The following RAD51B variants were observed in gnomAD, a reference collection of about 807,000 sequenced individuals.
The protein encoded by RAD51B is DNA repair protein RAD51 homolog 2.
RAD51B carries 38 observed loss-of-function variants against 42.2 expected under a neutral mutation model. The observed-to-expected ratio is 0.90, with a 90% CI of 0.70 to 1.18. RAD51B has a LOEUF of 1.18. Among genes scored for constraint, RAD51B ranks in the 50% most tolerant of loss-of-function variants. The probability of loss-of-function intolerance (pLI) is 0.00; values close to 1 mark genes in which losing one functional copy is unlikely to be tolerated. For synonymous variants in RAD51B, 154 were observed against 145.2 expected (o/e 1.06, Z -0.43); for missense variants, 373 against 400.7 (o/e 0.93, Z 0.59).
chr14:68,162,472 CA>C (rs2078660598), intron 7 of RAD51B, among the ~76,000 whole-genome samples: 2 of 151,714 alleles, frequency 1.3e-5, no homozygotes, highest in Non-Finnish European at 2.9e-5. Flanking sequence ...GTTTCTATAC[CA>C]GGGGAAATAA....
At chr14:68,649,633 C>T (rs1892658748) in intron 10 of RAD51B, among the ~76,000 whole-genome samples, 2 of 152,196 alleles carry the variant, frequency 1.3e-5, no homozygotes, top group Middle Eastern at 3.2e-3. Context: ...AATTGGTCAT[C>T]GTTGGTTAGC....
chr14:67,962,576 C>T (rs1053138199), intron 7 of RAD51B, among the ~76,000 whole-genome samples: 6 of 152,282 alleles, frequency 3.9e-5, no homozygotes, highest in South Asian at 4.1e-4. Flanking sequence ...AAAGAAATTA[C>T]GGCCCAAGAA....
downstream of RAD51B, among the ~76,000 whole-genome samples, chr14:68,480,254 T>C (rs1355313011): frequency 1.3e-5 from 2 of 152,044 alleles, no homozygotes; most frequent in East Asian, 3.9e-4. Flanking sequence ...TGTACTTTTT[T>C]TTAGTAGAGA....
At chr14:68,487,666 A>T (rs994109583) in intron 10 of RAD51B, among the ~76,000 whole-genome samples, 39 of 151,862 alleles carry the variant, frequency 2.6e-4, no homozygotes, top group Non-Finnish European at 2.9e-5. Flanking sequence ...GTGCCACCAC[A>T]CCTGGTTAAT....
intron 8 of RAD51B, among the ~76,000 whole-genome samples, chr14:68,321,165 C>T (rs1171733026): frequency 6.6e-6 from 1 of 152,000 alleles, no homozygotes; most frequent in East Asian, 1.9e-4. Context: ...ACCCTGCCCA[C>T]CAAAAAAGTA....
chr14:68,584,425 C>A (rs1242461379), intron 10 of RAD51B, among the ~76,000 whole-genome samples: 3 of 152,164 alleles, frequency 2.0e-5, no homozygotes, highest in Non-Finnish European at 4.4e-5. Context: ...CTTAAGGAAG[C>A]AGGAGCTATT....
At chr14:68,064,984 T>C (rs769905845) in intron 7 of RAD51B, among the ~76,000 whole-genome samples, 9 of 152,220 alleles carry the variant, frequency 5.9e-5, no homozygotes, top group Non-Finnish European at 8.8e-5. Flanking sequence ...TTTTGGTGGG[T>C]AAATTACTGG....
At chr14:68,682,061 A>G (rs7145032) in intron 11 of RAD51B, among the ~76,000 whole-genome samples, 67,226 of 151,978 alleles carry the variant, frequency 0.44, 15,979 homozygotes, top group African/African-American at 0.62. Flanking sequence ...TTAACATTAA[A>G]AAAAAGAATT....
chr14:68,275,346 A>G (rs935437053), intron 7 of RAD51B, among the ~76,000 whole-genome samples: 7 of 152,124 alleles, frequency 4.6e-5, no homozygotes, highest in African/African-American at 1.7e-4. Context: ...TTGAACCTCT[A>G]GTTGAGCTTT....
chr14:67,961,456 T>C (rs746567667), intron 7 of RAD51B, among the ~76,000 whole-genome samples: 3 of 152,226 alleles, frequency 2.0e-5, no homozygotes, highest in Non-Finnish European at 2.9e-5. Context: ...CAGACAAAGA[T>C]ATGCTGGCTA....
downstream of RAD51B, among the ~76,000 whole-genome samples, chr14:68,598,684 C>T (rs1336583467): frequency 6.6e-6 from 1 of 152,180 alleles, no homozygotes; most frequent in African/African-American, 2.4e-5. Flanking sequence ...TTCCACGGTG[C>T]CGGGCTCCAG....
intron 8 of RAD51B, among the ~76,000 whole-genome samples, chr14:68,343,438 T>A (rs995650109): frequency 3.3e-5 from 5 of 152,254 alleles, no homozygotes; most frequent in African/African-American, 1.2e-4. Context: ...TTGTGTAATT[T>A]TCCCCCTATC....
chr14:67,881,009 A>G lies in RAD51B; in HGVS notation c.453-4860A>G, dbSNP rs117295084. Among the ~76,000 whole-genome samples, 420 of 152,348 alleles carry G rather than the reference A, an allele frequency of 2.8e-3. 8 individuals carry two copies. The East Asian group carries it at 0.069, about 25-fold the overall frequency. Reference sequence around the variant, plus strand: ...TACATGCACCTAGATGGTATAGCCTACTGCGCACCTAGACTATATGGTATA... The same window carrying G: ...TACATGCACCTAGATGGTATAGCCTGCTGCGCACCTAGACTATATGGTATA... On this transcript the variant is annotated intron_variant, in intron 5 of 10. Transcript: ENST00000471583.
intron 4 of RAD51B, among the ~76,000 whole-genome samples, chr14:67,836,845 A>G (rs534671372): frequency 1.3e-5 from 2 of 152,260 alleles, no homozygotes; most frequent in Admixed American, 6.5e-5. Context: ...ACTGCTTACA[A>G]TGTGGTGACT....
At chr14:68,393,038 AAGG>A (rs1205916663) in intron 8 of RAD51B, among the ~76,000 whole-genome samples, 1 of 152,186 alleles carries the variant, frequency 6.6e-6, no homozygotes, top group Non-Finnish European at 1.5e-5. Context: ...CCCTATTGGG[AAGG>A]AGAAGATAAT....
intron 7 of RAD51B, among the ~76,000 whole-genome samples, chr14:68,054,933 C>A (rs568957532): frequency 2.6e-4 from 40 of 152,212 alleles, no homozygotes; most frequent in Middle Eastern, 3.4e-3. Context: ...AGTGGACACC[C>A]AGCTGGTGTC....
chr14:68,192,221 G>A (rs2079281937), intron 7 of RAD51B, among the ~76,000 whole-genome samples: 1 of 152,136 alleles, frequency 6.6e-6, no homozygotes, highest in African/African-American at 2.4e-5. Flanking sequence ...CTATACCATG[G>A]TTAATCATAA....
intron 10 of RAD51B, among the ~76,000 whole-genome samples, chr14:68,621,155 G>T (rs1451628894): frequency 2.0e-5 from 3 of 152,090 alleles, no homozygotes; most frequent in Non-Finnish European, 4.4e-5. Flanking sequence ...CACGCTTATT[G>T]TTTCATTCAT....
intron 10 of RAD51B, chr14:68,562,240 AAG>A (rs1373676807): frequency 1.0e-6 from 1 of 985,252 alleles, no homozygotes; most frequent in Non-Finnish European, 1.2e-6. Context: ...GTGATACTGA[AAG>A]AACCACTCAA....
Sources: gnomAD v4.1 joint callset for allele counts (sites outside exome capture counted in the v4.1 genomes callset) on GRCh38, gnomAD v4.1.1 for gene constraint, MANE v1.5 for transcripts, NCBI Gene and HGNC (gene_info 2026-07-23, HGNC 2026-07-21) for gene names.